The following ARHGEF18 variants were observed in gnomAD, a reference collection of about 807,000 sequenced individuals.
ARHGEF18 encodes Rho/Rac guanine nucleotide exchange factor 18.
Under a neutral mutation model 155.7 loss-of-function variants are expected in ARHGEF18, and 93 were observed. That is an observed-to-expected ratio of 0.60 (90% CI 0.50 to 0.71). ARHGEF18 has a LOEUF of 0.71. Ranked by LOEUF, ARHGEF18 falls within the 30% of genes least tolerant of loss-of-function variation. The pLI is 0.00. For synonymous variants in ARHGEF18, 742 were observed against 753.1 expected (o/e 0.99, Z 0.24); for missense variants, 1,593 against 1,816.1 (o/e 0.88, Z 2.23).
intron 10 of ARHGEF18, chr19:7,394,887 C>G: frequency 5.1e-6 from 1 of 196,544 alleles, no homozygotes; most frequent in Non-Finnish European, 9.2e-6. Flanking sequence ...AAAAAGCCCC[C>G]CAACCCCGCT....
chr19:7,404,913 A>G (rs1440785789), intron 10 of ARHGEF18, among the ~76,000 whole-genome samples: 1 of 152,062 alleles, frequency 6.6e-6, no homozygotes, highest in African/African-American at 2.4e-5. Context: ...GCAAAGTGTT[A>G]CCAAACCGAA....
intron 10 of ARHGEF18, among the ~76,000 whole-genome samples, chr19:7,432,710 A>G (rs1240156439): frequency 2.0e-5 from 3 of 152,210 alleles, no homozygotes; most frequent in Non-Finnish European, 2.9e-5. Flanking sequence ...CTGCCTTCAA[A>G]AGATGTTTGG....
In ARHGEF18 at chr19:7,418,499, CCCACTCTGTCAGTGACAGATGG is replaced by C. The variant is rs1240065767; in HGVS notation, c.968-21833_968-21812del. 4.0e-5 allele frequency among the ~76,000 whole-genome samples: 6 copies of C among 150,632 alleles called. No individual in the cohort carries two copies. The East Asian group carries it at 9.7e-4, about 24-fold the overall frequency. On this transcript the variant is annotated intron_variant, in intron 10 of 28. Coordinates refer to ENST00000668164, the MANE Select transcript of ARHGEF18 (RefSeq NM_001367823.1). ...CAAACTCCTGGGCTCAAGCATTCCT[CCCACTCTGTCAGTGACAGATGG>C]CCACTCTGTCACCTTCTTGCCACCT...
chr19:7,364,833 G>A (rs1470054145), intron 2 of ARHGEF18, among the ~76,000 whole-genome samples: 1 of 152,154 alleles, frequency 6.6e-6, no homozygotes, highest in Non-Finnish European at 1.5e-5. Flanking sequence ...CTCCACCAGG[G>A]ACCAAGACAG....
At chr19:7,467,812 G>T in intron 26 of ARHGEF18, 128 bp downstream of exon 26, 1 of 951,820 alleles carries the variant, frequency 1.1e-6, no homozygotes, top group Non-Finnish European at 1.5e-6. Flanking sequence ...AACGGCACAA[G>T]ATACCCTTGC....
chr19:7,367,891 A>G (rs1435769635), intron 2 of ARHGEF18, among the ~76,000 whole-genome samples: 1 of 72,252 alleles, frequency 1.4e-5, no homozygotes, highest in African/African-American at 6.8e-5. Flanking sequence ...TATTTTATAT[A>G]TATTTTTTAT....
chr19:7,378,624 G>A (rs1970573607), intron 6 of ARHGEF18, among the ~76,000 whole-genome samples, 173 bp downstream of exon 6: 1 of 151,310 alleles, frequency 6.6e-6, no homozygotes, highest in African/African-American at 2.4e-5. Context: ...CCTTCTCCCG[G>A]TGGGAGGGAC....
At chr19:7,391,644 C>T (rs1971407957) in intron 10 of ARHGEF18, among the ~76,000 whole-genome samples, 1 of 152,048 alleles carries the variant, frequency 6.6e-6, no homozygotes, top group Non-Finnish European at 1.5e-5. Flanking sequence ...AAGCCCAGGC[C>T]CACTTCCTCC....
At chr19:7,448,003 C>T (rs1328384300) in intron 15 of ARHGEF18, among the ~76,000 whole-genome samples, 1 of 152,170 alleles carries the variant, frequency 6.6e-6, no homozygotes, top group Non-Finnish European at 1.5e-5. Context: ...CACATATTAA[C>T]AAAATCAATC....
intron 2 of ARHGEF18, among the ~76,000 whole-genome samples, chr19:7,369,236 T>C (rs984336875): frequency 6.6e-6 from 1 of 151,406 alleles, no homozygotes; most frequent in Non-Finnish European, 1.5e-5. Context: ...CTGAGGCGGA[T>C]GGATCATCTG....
At chr19:7,467,987 G>A (rs1976769309) in intron 26 of ARHGEF18, among the ~76,000 whole-genome samples, 1 of 152,196 alleles carries the variant, frequency 6.6e-6, no homozygotes, top group Non-Finnish European at 1.5e-5. Context: ...ATTGCTTGAG[G>A]GCAGGAGTTC....
At chr19:7,373,926 A>C (rs1252635141) in intron 3 of ARHGEF18, among the ~76,000 whole-genome samples, 3 of 149,044 alleles carry the variant, frequency 2.0e-5, no homozygotes, top group African/African-American at 7.5e-5. Flanking sequence ...CACCCGGCTA[A>C]TTTTTTGTAT....
intron 10 of ARHGEF18, among the ~76,000 whole-genome samples, chr19:7,419,595 C>T (rs1057472290): frequency 6.6e-6 from 1 of 152,076 alleles, no homozygotes; most frequent in African/African-American, 2.4e-5. Flanking sequence ...CCCTGAAACC[C>T]ACCCTCCCTC....
intron 1 of ARHGEF18, among the ~76,000 whole-genome samples, chr19:7,359,816 A>G (rs902165020): frequency 6.6e-6 from 1 of 151,910 alleles, no homozygotes; most frequent in Non-Finnish European, 1.5e-5. Context: ...TGAGTTCATC[A>G]TCAGGTCAAG....
chr19:7,384,270 C>T (rs1970884151), intron 10 of ARHGEF18, among the ~76,000 whole-genome samples: 1 of 152,104 alleles, frequency 6.6e-6, no homozygotes, highest in Non-Finnish European at 1.5e-5. Context: ...TGGTAGTAAC[C>T]ACCTCCTGCC....
intron 1 of ARHGEF18, among the ~76,000 whole-genome samples, chr19:7,353,055 C>T (rs1457622332): frequency 6.6e-6 from 1 of 150,684 alleles, no homozygotes; most frequent in African/African-American, 2.4e-5. Context: ...AGGCTGGTCT[C>T]GAACTCCTGA....
intron 1 of ARHGEF18, among the ~76,000 whole-genome samples, chr19:7,350,378 G>A (rs1475157592): frequency 6.6e-6 from 1 of 152,160 alleles, no homozygotes; most frequent in Admixed American, 6.5e-5. Flanking sequence ...AAAAGAACAT[G>A]ACAACCAAAG....
At position 7,372,997 on chromosome 19, in the gene ARHGEF18, C is replaced by T. The variant is rs1212031255; in HGVS notation, c.201C>T (p.Ser67=). ...EEPGRDSLFS[S]LAGSQDLSRR... ...CAGGAAGAGATTCTCTTTTCTCCAG[C>T]TTGGCAGGGTCCCAAGACCTGTCAA... is the stretch of plus-strand genomic sequence containing the variant. The change falls in exon 3 of 29, where the codon AGC becomes AGT. Residue 67 remains serine (S), a synonymous_variant. Transcript: ENST00000668164. 1.5e-5 allele frequency: 18 copies of T among 1,234,382 alleles called. No individual in the cohort carries two copies. Among genetic ancestry groups the T allele is most frequent in the Non-Finnish European group, 1.8e-5 (18 of 988,242 alleles). The allele number at this position is 1,234,382 out of a possible 1,614,324, so 76.5% of individuals were successfully genotyped here. A position where few individuals can be genotyped will look rare whatever the true frequency, so the allele number is the denominator to read the frequency against.
intron 3 of ARHGEF18, among the ~76,000 whole-genome samples, chr19:7,374,744 A>G (rs9329370): frequency 0.2 from 29,874 of 151,870 alleles, 6,718 homozygotes; most frequent in African/African-American, 0.54. Context: ...ACCTAAATTT[A>G]CACACCTGCT....
Sources: gnomAD v4.1 joint callset for allele counts (sites outside exome capture counted in the v4.1 genomes callset) on GRCh38, gnomAD v4.1.1 for gene constraint, MANE v1.5 for transcripts, NCBI Gene and HGNC (gene_info 2026-07-23, HGNC 2026-07-21) for gene names.